The following YY1 variants were observed in gnomAD, a reference collection of about 807,000 sequenced individuals.
The protein encoded by YY1 is transcriptional repressor protein YY1.
In YY1, 2 loss-of-function variants were observed where a neutral mutation model predicts 35.6. The observed-to-expected ratio is 0.06, with a 90% CI of 0.02 to 0.18. The LOEUF is 0.18. Ranked by LOEUF, YY1 falls within the 10% of genes least tolerant of loss-of-function variation. The pLI, the probability that YY1 is intolerant of heterozygous loss-of-function variation, is 1.00. For missense variants in YY1, 322 were observed against 573.4 expected, an observed-to-expected ratio of 0.56 and a Z score of 4.48; for synonymous variants, 268 against 238.9, an observed-to-expected ratio of 1.12 and a Z score of -1.12.
chr14:100,243,804 CAAAAA>C (rs60629986), intron 1 of YY1, among the ~76,000 whole-genome samples: 2 of 122,004 alleles, frequency 1.6e-5, no homozygotes, highest in African/African-American at 3.0e-5. Context: ...GAGACACTGT[CAAAAA>C]AAAAAAAAAA....
At chr14:100,260,010 A>G (rs1199429202) in intron 1 of YY1, among the ~76,000 whole-genome samples, 1 of 151,508 alleles carries the variant, frequency 6.6e-6, no homozygotes, top group Admixed American at 6.6e-5. Flanking sequence ...AAACTACTAC[A>G]GTCATTTAGG....
At chr14:100,251,511 A>AG (rs1890923844) in intron 1 of YY1, among the ~76,000 whole-genome samples, 1 of 152,248 alleles carries the variant, frequency 6.6e-6, no homozygotes, top group Non-Finnish European at 1.5e-5. Context: ...CAGTGGTAAT[A>AG]GGAAACTAAT....
At position 100,282,153 on chromosome 14, in the gene YY1, GC is replaced by G. The variant is rs1319009308; in HGVS notation, c.*4557del. ...TTCGTCCTGGCCGAGCAGGCACCCAGCCCCATGTCCCCCGCCAGCATTCTGG... is the reference window on the plus strand; with the variant it reads ...TTCGTCCTGGCCGAGCAGGCACCCAGCCCATGTCCCCCGCCAGCATTCTGG... On this transcript the variant is annotated 3_prime_UTR_variant, in exon 5 of 5. Transcript: ENST00000262238. The G allele has an allele frequency of 6.6e-6, 1 of 152,232 alleles. No individual in the cohort carries two copies. 9.4% of individuals were successfully genotyped at this position (152,232 alleles called of 1,614,324 possible).
At chr14:100,254,211 C>T (rs563381154) in intron 1 of YY1, among the ~76,000 whole-genome samples, 1 of 152,230 alleles carries the variant, frequency 6.6e-6, no homozygotes, top group East Asian at 1.9e-4. Context: ...TTACTAGCTT[C>T]TTTTACAGCA....
chr14:100,240,877 A>G (rs1050538619), intron 1 of YY1, among the ~76,000 whole-genome samples: 2 of 152,216 alleles, frequency 1.3e-5, no homozygotes, highest in Non-Finnish European at 2.9e-5. Context: ...GCCAGTAAAT[A>G]AAATCGGGTA....
intron 1 of YY1, among the ~76,000 whole-genome samples, chr14:100,253,421 T>A (rs1228290737): frequency 6.6e-6 from 1 of 152,166 alleles, no homozygotes; most frequent in East Asian, 1.9e-4. Context: ...GCCAGGCTAG[T>A]CTTTTTTATT....
At position 100,278,776 on chromosome 14, in the gene YY1, T is replaced by C. The variant is rs1891364776; in HGVS notation, c.*1176T>C. On this transcript the variant is annotated 3_prime_UTR_variant, in exon 5 of 5. Coordinates refer to ENST00000262238, the MANE Select transcript of YY1 (RefSeq NM_003403.5). ...GCCCCCGGCAAGTGTGAGTGAAGCA[T>C]CTGTACCACCGCGCAGGCTGAGCGC... 2 of 152,278 alleles carry C rather than the reference T, an allele frequency of 1.3e-5. No homozygotes were observed. Among genetic ancestry groups the C allele is most frequent in the African/African-American group, 4.8e-5 (2 of 41,460 alleles). 9.4% of individuals were successfully genotyped at this position (152,278 alleles called of 1,614,324 possible).
rs776539948 is a variant in YY1, at chr14:100,239,228, C to T, written c.-17C>T. 4.1e-6 allele frequency: 6 copies of T among 1,478,090 alleles called. No homozygotes were observed. The highest frequency in any genetic ancestry group is 1.5e-5 in the African/African-American group (1 of 67,264). The allele number at this position is 1,478,090 out of a possible 1,614,324, so 91.6% of individuals were successfully genotyped here. Reference sequence around the variant, plus strand: ...GGAGCCGAGGCCGCCGCGGCCGTGGCGGCGGAGCCCTCAGCCATGGCCTCG... The same window carrying T: ...GGAGCCGAGGCCGCCGCGGCCGTGGTGGCGGAGCCCTCAGCCATGGCCTCG... On this transcript the variant is annotated 5_prime_UTR_variant, in exon 1 of 5. Coordinates refer to ENST00000262238, the MANE Select transcript of YY1 (RefSeq NM_003403.5).
intron 1 of YY1, among the ~76,000 whole-genome samples, chr14:100,244,646 A>C (rs1852586215): frequency 6.8e-6 from 1 of 147,518 alleles, no homozygotes; most frequent in African/African-American, 2.5e-5. Context: ...GCAGTGAGAC[A>C]GTCACGGCTC....
At chr14:100,262,603 TTTTA>T in intron 2 of YY1, 137 bp downstream of exon 2, 6 of 992,574 alleles carry the variant, frequency 6.0e-6, no homozygotes, top group Non-Finnish European at 9.1e-6. Flanking sequence ...AAGCAGTCAG[TTTTA>T]TTTGTTTGTT....
Position 100,257,933 on chromosome 14 carries a change from G to A in YY1, c.680-4371G>A, listed in dbSNP as rs142341929. On this transcript the variant is annotated intron_variant, in intron 1 of 4. Transcript: ENST00000262238. The stretch of plus-strand genomic sequence containing the variant: ...GCGGATTGCTTCAGCCCAGGAGTTC[G>A]AAACCAGCCTAGGTAACATAGTGAG... 4.5e-3 allele frequency among the ~76,000 whole-genome samples: 691 copies of A among 152,128 alleles called. 6 individuals carry two copies. The highest frequency in any genetic ancestry group is 0.016 in the African/African-American group (655 of 41,518).
At chr14:100,249,757 T>TTG (rs1890894710) in intron 1 of YY1, among the ~76,000 whole-genome samples, 9 of 90,096 alleles carry the variant, frequency 1.0e-4, no homozygotes, top group African/African-American at 2.0e-4. Flanking sequence ...CGTTTTTTTT[T>TTG]TTGTTTGTTT....
In YY1 at chr14:100,271,066, A is replaced by G. The variant is rs1595332069; in HGVS notation, c.843-3632A>G. 2.7e-5 allele frequency among the ~76,000 whole-genome samples: 4 copies of G among 147,302 alleles called. No individual in the cohort carries two copies. The South Asian group carries it at 8.9e-4, about 33-fold the overall frequency. On this transcript the variant is annotated intron_variant, in intron 2 of 4. Transcript: ENST00000262238. ...CGAGACCATCCTGGCTAACACGGTA[A>G]GAAACCCCGTCTCTGCTAAAAATAC...
chr14:100,244,293 G>C (rs974633612), intron 1 of YY1, among the ~76,000 whole-genome samples: 3 of 148,754 alleles, frequency 2.0e-5, no homozygotes, highest in African/African-American at 7.4e-5. Flanking sequence ...AGGATCCTTA[G>C]AGATTGGCTT....
Position 100,262,350 on chromosome 14 carries a change from C to T in YY1, c.726C>T (p.Ile242=). ...ATGAGACAGTGGTTGAAGAACAGAT[C>T]ATTGGAGAGAACTCACCTCCTGATT... ...IDHETVVEEQ[I]IGENSPPDYS... is the part of the protein sequence containing the mutation. Residue 242 remains isoleucine, a synonymous_variant, in exon 2 of 5, where the codon ATC becomes ATT. Coordinates refer to ENST00000262238, the MANE Select transcript of YY1 (RefSeq NM_003403.5). 1 of 1,614,010 alleles carries T rather than the reference C, an allele frequency of 6.2e-7. No individual in the cohort carries two copies. Among genetic ancestry groups the T allele is most frequent in the Non-Finnish European group, 8.5e-7 (1 of 1,180,024 alleles).
At chr14:100,272,664 T>TA (rs1030928706) in intron 2 of YY1, among the ~76,000 whole-genome samples, 2 of 152,096 alleles carry the variant, frequency 1.3e-5, no homozygotes, top group Non-Finnish European at 2.9e-5. Context: ...TTTGACTTTT[T>TA]AAAAAATTTC....
chr14:100,274,051 C>T (rs1224856103), intron 2 of YY1, among the ~76,000 whole-genome samples: 6 of 152,086 alleles, frequency 3.9e-5, no homozygotes, highest in African/African-American at 1.4e-4. Context: ...TCCACCAGGC[C>T]CTAGGAGCTC....
chr14:100,241,685 A>T (rs528486595), intron 1 of YY1, among the ~76,000 whole-genome samples: 61 of 152,348 alleles, frequency 4.0e-4, no homozygotes, highest in African/African-American at 1.3e-3. Context: ...ACTAAAAGTC[A>T]TGGTTTTGGC....
chr14:100,254,093 C>T (rs1161465410), intron 1 of YY1, among the ~76,000 whole-genome samples: 1 of 152,118 alleles, frequency 6.6e-6, no homozygotes, highest in Non-Finnish European at 1.5e-5. Context: ...GCCTCGGCCT[C>T]TCAAAGTGCT....
Sources: gnomAD v4.1 joint callset for allele counts (sites outside exome capture counted in the v4.1 genomes callset) on GRCh38, gnomAD v4.1.1 for gene constraint, MANE v1.5 for transcripts, NCBI Gene and HGNC (gene_info 2026-07-23, HGNC 2026-07-21) for gene names.